Variants in LRFN2 observed in about 807,000 individuals in gnomAD.
LRFN2 encodes the protein leucine rich repeat and fibronectin type III domain containing 2, also known as leucine-rich repeat and fibronectin type-III domain-containing protein 2.
Under a neutral mutation model 37.3 loss-of-function variants are expected in LRFN2, and 18 were observed. The ratio of observed to expected loss-of-function variants is 0.48; its 90% confidence interval spans 0.33 to 0.72. LRFN2 has a LOEUF of 0.72. LRFN2 is among the 30% of genes least tolerant of loss of function. The pLI is 0.02. For missense variants in LRFN2, 1,006 were observed against 1,060.7 expected, an observed-to-expected ratio of 0.95 and a Z score of 0.72; for synonymous variants, 556 against 466.6, an observed-to-expected ratio of 1.19 and a Z score of -2.47.
In LRFN2 at chr6:40,558,354, C is replaced by T. The variant is rs1490290756; in HGVS notation, c.-19+28587G>A. ...CCCAGTGAAGGAACAGCCAGCACTT[C>T]CTTCCCCGCATTGTGGAAGGTCTAG... On this transcript the variant is annotated intron_variant, in intron 1 of 2. Transcript: ENST00000338305. Among the ~76,000 whole-genome samples the T allele has an allele frequency of 2.6e-5, 4 of 152,332 alleles. No homozygotes were observed. The East Asian group carries it at 5.8e-4, about 22-fold the overall frequency.
At chr6:40,498,608 C>T (rs1182242978) in intron 1 of LRFN2, among the ~76,000 whole-genome samples, 1 of 152,230 alleles carries the variant, frequency 6.6e-6, no homozygotes, top group East Asian at 1.9e-4. Context: ...CGTTCTCACA[C>T]ATATGATCTC....
intron 1 of LRFN2, among the ~76,000 whole-genome samples, chr6:40,586,100 A>T (rs984956205): frequency 6.6e-6 from 1 of 152,250 alleles, no homozygotes; most frequent in East Asian, 1.9e-4. Flanking sequence ...CTATCTCCCT[A>T]GAACTCTCTG....
intron 2 of LRFN2, among the ~76,000 whole-genome samples, chr6:40,398,264 CCA>C (rs1025420031): frequency 6.6e-6 from 1 of 151,876 alleles, no homozygotes; most frequent in Non-Finnish European, 1.5e-5. Flanking sequence ...CAAGCATTGC[CCA>C]ATGTCCTCTG....
Position 40,434,080 on chromosome 6 carries a change from C to T in LRFN2, c.-18-949G>A, listed in dbSNP as rs150063961. On this transcript the variant is annotated intron_variant, in intron 1 of 2. Transcript: ENST00000338305. ...CCCTCTTCTCTGCTCTGTATTTTCT[C>T]CTTGCAACTAATCCCTATCTATGTT... 3.6e-3 allele frequency among the ~76,000 whole-genome samples: 546 copies of T among 152,288 alleles called. 1 individual carries two copies. Among genetic ancestry groups the T allele is most frequent in the African/African-American group, 0.012 (516 of 41,566 alleles).
rs540847192 is a variant in LRFN2 at position 40,535,999 on chromosome 6, G to A, written c.-19+50942C>T. Among the ~76,000 whole-genome samples the A allele has an allele frequency of 2.0e-5, 3 of 152,254 alleles. No homozygotes were observed. The East Asian group carries it at 5.8e-4, about 29-fold the overall frequency. The stretch of plus-strand genomic sequence containing the variant: ...TGAGTGAGAATGTTAGAAAGACACT[G>A]TGCAGGCCCAGTATGGAGTCAGGTG... On this transcript the variant is annotated intron_variant, in intron 1 of 2. Transcript: ENST00000338305.
chr6:40,501,999 A>C, intron 1 of LRFN2, among the ~76,000 whole-genome samples: 1 of 152,316 alleles, frequency 6.6e-6, no homozygotes, highest in African/African-American at 2.4e-5. Flanking sequence ...AGACCCAGAG[A>C]GGGTGTCATC....
chr6:40,508,444 TG>T (rs1337416481), intron 1 of LRFN2, among the ~76,000 whole-genome samples: 1 of 152,056 alleles, frequency 6.6e-6, no homozygotes, highest in Non-Finnish European at 1.5e-5. Context: ...CAGCAGTGGG[TG>T]GTGGGGGGGA....
intron 1 of LRFN2, among the ~76,000 whole-genome samples, chr6:40,434,432 G>A (rs530404506): frequency 6.0e-4 from 91 of 152,044 alleles, no homozygotes; most frequent in Non-Finnish European, 1.1e-3. Context: ...GCAGCACACT[G>A]ATTGTGTAGC....
chr6:40,567,785 T>C (rs1767115475), intron 1 of LRFN2, among the ~76,000 whole-genome samples: 1 of 152,188 alleles, frequency 6.6e-6, no homozygotes, highest in African/African-American at 2.4e-5. Flanking sequence ...CTTGAGGAGT[T>C]CTGACAGGGT....
chr6:40,482,697 G>A (rs1188976220), intron 1 of LRFN2, among the ~76,000 whole-genome samples: 1 of 152,078 alleles, frequency 6.6e-6, no homozygotes, highest in African/African-American at 2.4e-5. Flanking sequence ...CCCCCACTGC[G>A]CCCTCCTTCT....
intron 1 of LRFN2, among the ~76,000 whole-genome samples, chr6:40,444,191 T>C (rs1763909778): frequency 6.6e-6 from 1 of 152,188 alleles, no homozygotes; most frequent in South Asian, 2.1e-4. Context: ...AGACAGGTAG[T>C]CCTTCTCTCT....
intron 1 of LRFN2, among the ~76,000 whole-genome samples, chr6:40,493,953 C>T (rs1305620237): frequency 6.6e-6 from 1 of 152,230 alleles, no homozygotes; most frequent in East Asian, 1.9e-4. Context: ...GCCTCACCTG[C>T]TGTTCTGACA....
chr6:40,438,644 G>T (rs1322286680), intron 1 of LRFN2, among the ~76,000 whole-genome samples: 3 of 152,158 alleles, frequency 2.0e-5, no homozygotes, highest in South Asian at 2.1e-4. Context: ...AGAGAGACTG[G>T]CTGTCTTCAC....
intron 1 of LRFN2, among the ~76,000 whole-genome samples, chr6:40,574,516 G>A (rs867274936): frequency 3.9e-5 from 6 of 152,186 alleles, no homozygotes; most frequent in Middle Eastern, 3.2e-3. Context: ...TGTCCATCAC[G>A]GGGTGGGGGG....
intron 1 of LRFN2, among the ~76,000 whole-genome samples, chr6:40,554,672 T>A (rs1766835434): frequency 6.6e-6 from 1 of 152,112 alleles, no homozygotes; most frequent in African/African-American, 2.4e-5. Context: ...TGAAATGAGG[T>A]CCCTTGTACA....
chr6:40,421,528 G>T (rs930832163), intron 2 of LRFN2, among the ~76,000 whole-genome samples: 1 of 152,218 alleles, frequency 6.6e-6, no homozygotes, highest in Non-Finnish European at 1.5e-5. Flanking sequence ...ATAAAAAGGA[G>T]TGTCTGGGTA....
At chr6:40,562,122 T>G (rs1484515509) in intron 1 of LRFN2, among the ~76,000 whole-genome samples, 27 of 152,146 alleles carry the variant, frequency 1.8e-4, no homozygotes, top group Non-Finnish European at 5.9e-5. Context: ...AGAAGGATCA[T>G]TTAAAAATCA....
At chr6:40,495,092 C>A (rs1210415434) in intron 1 of LRFN2, among the ~76,000 whole-genome samples, 2 of 152,170 alleles carry the variant, frequency 1.3e-5, no homozygotes, top group African/African-American at 4.8e-5. Flanking sequence ...ACTGGGCAGA[C>A]CTTTGAACCT....
At chr6:40,405,056 C>A (rs964522942) in intron 2 of LRFN2, among the ~76,000 whole-genome samples, 2 of 152,224 alleles carry the variant, frequency 1.3e-5, no homozygotes, top group African/African-American at 4.8e-5. Context: ...TAGGGCCAGC[C>A]CTTAGCCAGC....
Sources: allele counts gnomAD v4.1 joint callset (sites outside exome capture counted in the v4.1 genomes callset), GRCh38; gene constraint gnomAD v4.1.1; transcripts MANE v1.5; gene names NCBI Gene and HGNC (gene_info 2026-07-23, HGNC 2026-07-21).